CSF2RA: variants seen among roughly 807,000 people sequenced by gnomAD.
CSF2RA encodes granulocyte-macrophage colony-stimulating factor receptor subunit alpha.
CSF2RA carries 42 observed loss-of-function variants against 51.6 expected under a neutral mutation model. That is an observed-to-expected ratio of 0.81 (90% CI 0.64 to 1.05). The LOEUF (loss-of-function observed/expected upper bound fraction) is 1.05, where lower values mean the gene tolerates loss of function less well. CSF2RA is among the 50% of genes least tolerant of loss of function. The pLI, the probability that CSF2RA is intolerant of heterozygous loss-of-function variation, is 0.00. For synonymous variants in CSF2RA, 222 were observed against 193.0 expected, an observed-to-expected ratio of 1.15 and a Z score of -1.24; for missense variants, 530 against 501.1, an observed-to-expected ratio of 1.06 and a Z score of -0.55.
At chrX:1,269,339 G>T (rs28478213) in intron 1 of CSF2RA, among the ~76,000 whole-genome samples, 2 of 151,924 alleles carry the variant, frequency 1.3e-5, no homozygotes, top group African/African-American at 4.8e-5. Flanking sequence ...AGATGAACGC[G>T]GCCGGGCGTG....
chrX:1,317,247 T>C, the CSF2RA span, among the ~76,000 whole-genome samples: 5 of 4,510 alleles, frequency 1.1e-3, no homozygotes, highest in African/African-American at 5.0e-3. Context: ...CACGCTCAGC[T>C]TTTTTTTTTT....
the CSF2RA span, among the ~76,000 whole-genome samples, chrX:1,317,246 C>CTTT: frequency 0.38 from 22,035 of 57,914 alleles, 6,137 homozygotes; most frequent in South Asian, 0.43. Context: ...CCACGCTCAG[C>CTTT]TTTTTTTTTT....
intron 1 of CSF2RA, among the ~76,000 whole-genome samples, chrX:1,272,623 G>A (rs1385512764): frequency 1.3e-5 from 2 of 150,562 alleles, no homozygotes; most frequent in East Asian, 2.0e-4. Context: ...GAGTAGCTGC[G>A]ATTACAGGCA....
rs375895950 is a variant in CSF2RA at position 1,303,910 on chromosome X, T to A, written c.947-13T>A. On this transcript the variant is annotated splice_polypyrimidine_tract_variant and intron_variant, in intron 10 of 12. Coordinates refer to ENST00000381529, the MANE Select transcript of CSF2RA (RefSeq NM_172245.4). ...ACGATTCACCGCAGACGCAAACCTG[T>A]GTGTCTCTCCAGGTTCTGACGACGG... 3 of 1,599,904 alleles carry A rather than the reference T, an allele frequency of 1.9e-6. No homozygotes were observed. Among genetic ancestry groups the A allele is most frequent in the Admixed American group, 1.7e-5 (1 of 59,930 alleles).
rs750661052 is a variant in CSF2RA, at chrX:1,309,820, G to A, written c.*341G>A. On this transcript the variant is annotated 3_prime_UTR_variant, in exon 13 of 13. Coordinates refer to ENST00000381529, the MANE Select transcript of CSF2RA (RefSeq NM_172245.4). ...GGAGAATTGCTTGAACCCGTGAGGCGGAGGTTGTAGTGAGCCAAGATCGCA... is the reference window on the plus strand; with the variant it reads ...GGAGAATTGCTTGAACCCGTGAGGCAGAGGTTGTAGTGAGCCAAGATCGCA... The A allele has an allele frequency of 2.9e-5, 18 of 611,314 alleles. No individual in the cohort carries two copies. The highest frequency in any genetic ancestry group is 1.4e-4 in the East Asian group (5 of 36,576). 37.9% of individuals were successfully genotyped at this position (611,314 alleles called of 1,614,324 possible).
At chrX:1,293,988 A>G (rs2091665164) in intron 7 of CSF2RA, 1 of 290,290 alleles carries the variant, frequency 3.4e-6, no homozygotes. Flanking sequence ...CCCAGTGTAG[A>G]TGGGAGGAGA....
At chrX:1,285,647 A>ACCT (rs2090543218) in intron 3 of CSF2RA, 131 bp from the exon 4 acceptor site, 2 of 1,093,126 alleles carry the variant, frequency 1.8e-6, no homozygotes, top group Non-Finnish European at 1.3e-6. Context: ...GCTTGCAGTG[A>ACCT]CCTGAGATCA....
chrX:1,280,466 C>T (rs1451840724), intron 2 of CSF2RA, among the ~76,000 whole-genome samples: 13 of 122,674 alleles, frequency 1.1e-4, no homozygotes, highest in Admixed American at 9.0e-5. Context: ...AGTGAAACTC[C>T]GTCTCAAAAA....
chrX:1,269,311 T>TCCGGAAG (rs1437464326), intron 1 of CSF2RA, among the ~76,000 whole-genome samples: 1 of 152,096 alleles, frequency 6.6e-6, no homozygotes, highest in East Asian at 1.9e-4. Context: ...ATCTGTGGCA[T>TCCGGAAG]CCGGAAGCCG....
chrX:1,291,758 C>T (rs34260971), intron 7 of CSF2RA, among the ~76,000 whole-genome samples: 47,925 of 148,572 alleles, frequency 0.32, 8,578 homozygotes, highest in Admixed American at 0.44. Context: ...CCCTGTACCA[C>T]CTCCACCTGG....
rs1418400300 is a variant in CSF2RA, at chrX:1,284,597, TA to T, written c.77-1178del. Among the ~76,000 whole-genome samples, 4 of 147,938 alleles carry T rather than the reference TA, an allele frequency of 2.7e-5. No individual in the cohort carries two copies. The South Asian group carries it at 6.4e-4, about 24-fold the overall frequency. On this transcript the variant is annotated intron_variant, in intron 3 of 12. Coordinates refer to ENST00000381529, the MANE Select transcript of CSF2RA (RefSeq NM_172245.4). ...AATACACCACCATGCCAAGCTAATT[TA>T]AATTTTTTTTTTTTTAAATTTTATA...
the CSF2RA span, among the ~76,000 whole-genome samples, chrX:1,317,901 G>T: frequency 2.0e-5 from 3 of 151,834 alleles, no homozygotes; most frequent in South Asian, 6.2e-4. Flanking sequence ...CAACATCCCA[G>T]GCTTAAACAA....
Position 1,290,355 on chromosome X carries a change from G to A in CSF2RA, c.492G>A (p.Arg164=). 1 of 1,613,518 alleles carries A rather than the reference G, an allele frequency of 6.2e-7. No homozygotes were observed. The highest frequency in any genetic ancestry group is 1.1e-5 in the South Asian group (1 of 91,048). ...IRNSKRRREI[R]CPYYIQDSGT... ...CTTTCAGGAGAAGGAGGGAGATCCGGTGTCCTTATTACATACAAGACTCAG... is the reference window on the plus strand; with the variant it reads ...CTTTCAGGAGAAGGAGGGAGATCCGATGTCCTTATTACATACAAGACTCAG... The change falls in exon 7 of 13, where the codon CGG becomes CGA. Residue 164 remains arginine (R), a synonymous_variant. Coordinates refer to ENST00000381529, the MANE Select transcript of CSF2RA (RefSeq NM_172245.4).
At chrX:1,300,320 C>G in intron 9 of CSF2RA, 171 bp from the exon 10 acceptor site, 1 of 779,674 alleles carries the variant, frequency 1.3e-6, no homozygotes. Flanking sequence ...CTTGACTCTG[C>G]TTAGCTTCGA....
At chrX:1,314,449 A>ACCCC (rs2084377638), downstream of CSF2RA, among the ~76,000 whole-genome samples, 1 of 146,904 alleles carries the variant, frequency 6.8e-6, no homozygotes, top group African/African-American at 2.6e-5. Context: ...CACTTGCCCA[A>ACCCC]TTGCACTGCA....
the CSF2RA span, among the ~76,000 whole-genome samples, chrX:1,316,226 TA>T: frequency 1.1e-5 from 1 of 91,696 alleles, no homozygotes; most frequent in African/African-American, 3.3e-5. Flanking sequence ...GGTAGATAGA[TA>T]GATGATAGAT....
intron 4 of CSF2RA, among the ~76,000 whole-genome samples, chrX:1,287,384 C>T (rs1331680516): frequency 2.0e-5 from 3 of 149,902 alleles, no homozygotes; most frequent in Non-Finnish European, 3.0e-5. Context: ...CAACTCCTGA[C>T]CTCGTGATCC....
At chrX:1,291,520 A>G (rs2091398172) in intron 7 of CSF2RA, among the ~76,000 whole-genome samples, 1 of 151,298 alleles carries the variant, frequency 6.6e-6, no homozygotes, top group South Asian at 2.1e-4. Flanking sequence ...CCAGTCCCAT[A>G]TGCCCACACG....
chrX:1,290,465 T>C lies in CSF2RA; in HGVS notation c.602T>C (p.Ile201Thr), dbSNP rs1487835012. ...YFLVNGTSRE[I>T]GIQFFDSLLD... is the part of the protein sequence containing the mutation. ...CTGGTTAACGGAACCAGCCGAGAAA[T>C]TGGCATCCAATTCTTTGATTCACTT... The change falls in exon 7 of 13, where the codon ATT becomes ACT. Residue 201 changes from isoleucine (I) to threonine (T), a missense_variant. Transcript: ENST00000381529. 1 of 1,613,764 alleles carries C rather than the reference T, an allele frequency of 6.2e-7. No homozygotes were observed. The highest frequency in any genetic ancestry group is 8.5e-7 in the Non-Finnish European group (1 of 1,179,850).
Sources: allele counts gnomAD v4.1 joint callset (sites outside exome capture counted in the v4.1 genomes callset), GRCh38; gene constraint gnomAD v4.1.1; transcripts MANE v1.5; gene names NCBI Gene and HGNC (gene_info 2026-07-23, HGNC 2026-07-21).